LUC7L: variants seen among roughly 807,000 people sequenced by gnomAD.
The protein encoded by LUC7L is LUC7 like.
A neutral mutation model predicts 51.1 loss-of-function variants in LUC7L; 29 were observed. The observed-to-expected ratio is 0.57, with a 90% CI of 0.42 to 0.77. The LOEUF (loss-of-function observed/expected upper bound fraction) is 0.77, where lower values mean the gene tolerates loss of function less well. LUC7L is among the 30% of genes least tolerant of loss of function. The pLI is 0.00. For synonymous variants in LUC7L, 181 were observed against 180.7 expected (o/e 1.00, Z -0.01); for missense variants, 403 against 511.9 (o/e 0.79, Z 2.05).
At chr16:221,305 A>G (rs1339373339) in intron 2 of LUC7L, among the ~76,000 whole-genome samples, 1 of 146,432 alleles carries the variant, frequency 6.8e-6, no homozygotes, top group Non-Finnish European at 1.5e-5. Context: ...TTGGCCTCCC[A>G]AAGAGCTGGC....
chr16:206,335 T>C (rs2049483394), intron 4 of LUC7L, among the ~76,000 whole-genome samples, 188 bp from the exon 5 acceptor site: 1 of 152,226 alleles, frequency 6.6e-6, no homozygotes, highest in Admixed American at 6.5e-5. Flanking sequence ...TATGTTCCAA[T>C]GAAACCAGTG....
chr16:213,171 C>A (rs1204369313), intron 3 of LUC7L, among the ~76,000 whole-genome samples: 1 of 152,168 alleles, frequency 6.6e-6, no homozygotes, highest in Non-Finnish European at 1.5e-5. Flanking sequence ...ATATAGCACA[C>A]ATCCTTTCCT....
chr16:213,721 T>C (rs1567186179), intron 3 of LUC7L, among the ~76,000 whole-genome samples: 1 of 151,388 alleles, frequency 6.6e-6, no homozygotes, highest in Non-Finnish European at 1.5e-5. Flanking sequence ...TTTTTTCTTT[T>C]TTTCTTTATT....
At chr16:211,414 C>T (rs1034035891) in intron 3 of LUC7L, among the ~76,000 whole-genome samples, 2 of 149,244 alleles carry the variant, frequency 1.3e-5, no homozygotes, top group African/African-American at 4.9e-5. Flanking sequence ...GCCAAGATCA[C>T]GCCACTGCAC....
intron 6 of LUC7L, among the ~76,000 whole-genome samples, chr16:194,146 C>A (rs767283812): frequency 6.6e-6 from 1 of 151,430 alleles, no homozygotes; most frequent in Non-Finnish European, 1.5e-5. Context: ...TCCACCCAGG[C>A]TGGATGGAGT....
At chr16:213,047 G>GT (rs1327079645) in intron 3 of LUC7L, among the ~76,000 whole-genome samples, 42 of 152,116 alleles carry the variant, frequency 2.8e-4, no homozygotes, top group Non-Finnish European at 1.9e-4. Flanking sequence ...GATTACAGGC[G>GT]TGAGCGCACA....
At chr16:228,980 A>T (rs1481223444) in intron 1 of LUC7L, 1 of 1,431,878 alleles carries the variant, frequency 7.0e-7, no homozygotes. Context: ...CAGTTCGCGG[A>T]GGGGCACGGA....
chr16:190,205 C>G, intron 8 of LUC7L, 70 bp from the exon 9 acceptor site: 1 of 1,330,224 alleles, frequency 7.5e-7, no homozygotes, highest in Non-Finnish European at 1.0e-6. Context: ...CACCCCTCAG[C>G]AGATTCTGCT....
At chr16:228,939 C>T in intron 1 of LUC7L, 2 of 1,393,376 alleles carry the variant, frequency 1.4e-6, no homozygotes, top group African/African-American at 1.4e-5. Context: ...GACCTGGAGC[C>T]CACGCTGATT....
At chr16:192,723 G>A (rs1005996402) in intron 7 of LUC7L, among the ~76,000 whole-genome samples, 1 of 152,034 alleles carries the variant, frequency 6.6e-6, no homozygotes, top group African/African-American at 2.4e-5. Context: ...GGCTGGTCTC[G>A]AACCCCTGAC....
Position 189,177 on chromosome 16 carries a change from T to A in LUC7L, c.*21A>T. On this transcript the variant is annotated 3_prime_UTR_variant, in exon 10 of 10. Transcript: ENST00000293872. The stretch of plus-strand genomic sequence containing the variant: ...CTGTGTGAACGTTTATCAGACTATT[T>A]ACAGCACCCGGGAGACGGGTTCAGA... 6.2e-7 allele frequency: 1 copy of A among 1,605,056 alleles called. No homozygotes were observed. The highest frequency in any genetic ancestry group is 8.5e-7 in the Non-Finnish European group (1 of 1,174,094).
chr16:228,870 C>T (rs1014679869), intron 1 of LUC7L: 5 of 1,308,514 alleles, frequency 3.8e-6, no homozygotes, highest in African/African-American at 3.0e-5. Flanking sequence ...CATCCGGCTC[C>T]CTCGGGTGTA....
chr16:202,412 G>A (rs1474139755), intron 5 of LUC7L, among the ~76,000 whole-genome samples: 1 of 152,134 alleles, frequency 6.6e-6, no homozygotes, highest in Admixed American at 6.5e-5. Flanking sequence ...TTCAACATGA[G>A]ATTTGGACGT....
intron 6 of LUC7L, among the ~76,000 whole-genome samples, chr16:193,631 G>C (rs546726941): frequency 1.5e-4 from 23 of 151,442 alleles, no homozygotes; most frequent in Admixed American, 2.0e-4. Flanking sequence ...TGAGTAGCTG[G>C]GATTACAAGC....
At position 189,106 on chromosome 16, in the gene LUC7L, T is replaced by C. The variant is rs1353607096; in HGVS notation, c.*92A>G. On this transcript the variant is annotated 3_prime_UTR_variant, in exon 10 of 10. Transcript: ENST00000293872. The stretch of plus-strand genomic sequence containing the variant: ...CTCCAAAACAATAGAAATTTTAAAC[T>C]ACAAAAGATGAGTTGTATTCAGCAA... The C allele has an allele frequency of 7.3e-7, 1 of 1,367,326 alleles. No homozygotes were observed. The highest frequency in any genetic ancestry group is 1.0e-6 in the Non-Finnish European group (1 of 997,352). The allele number at this position is 1,367,326 out of a possible 1,614,324, so 84.7% of individuals were successfully genotyped here. A position where few individuals can be genotyped will look rare whatever the true frequency, so the allele number is the denominator to read the frequency against.
At chr16:191,891 T>C (rs1042521958) in intron 7 of LUC7L, among the ~76,000 whole-genome samples, 6 of 152,108 alleles carry the variant, frequency 3.9e-5, no homozygotes, top group Admixed American at 2.0e-4. Flanking sequence ...ACTGAGGAAT[T>C]ATTTCAGGAA....
intron 4 of LUC7L, 101 bp downstream of exon 4, chr16:207,977 C>G: frequency 1.3e-6 from 1 of 757,778 alleles, no homozygotes; most frequent in Non-Finnish European, 2.1e-6. Context: ...CCACTGCACT[C>G]CAGCCTGGGT....
At chr16:228,927 G>A in intron 1 of LUC7L, 1 of 1,376,440 alleles carries the variant, frequency 7.3e-7, no homozygotes, top group Non-Finnish European at 9.6e-7. Context: ...CCGGCTGCCA[G>A]CGACCTGGAG....
Position 193,006 on chromosome 16 carries a change from C to T in LUC7L, c.697G>A (p.Ala233Thr), listed in dbSNP as rs765810655. ...TGATTTCTCTTCTCCTGCTTTTCAGCGACAGTTTTCTAAATAAATGAAACA... is the reference window on the plus strand; with the variant it reads ...TGATTTCTCTTCTCCTGCTTTTCAGTGACAGTTTTCTAAATAAATGAAACA... ...EKLDQLRKTV[A>T]EKQEKRNQDR... is the part of the protein sequence containing the mutation. Residue 233 changes from alanine (A) to threonine (T), a missense_variant, in exon 7 of 10, where the codon GCT (alanine) becomes ACT (threonine). By Grantham distance (58) the Ala-to-Thr change is moderately conservative. Around this residue, in one of 3 missense-constraint regions of LUC7L, gnomAD observed 206 missense variants for 218.3 expected, o/e 0.94. Coordinates refer to ENST00000293872, the MANE Select transcript of LUC7L (RefSeq NM_201412.3). 1.7e-5 allele frequency: 27 copies of T among 1,612,660 alleles called. No homozygotes were observed. The highest frequency in any genetic ancestry group is 1.7e-4 in the Middle Eastern group (1 of 6,032).
Sources: allele counts gnomAD v4.1 joint callset (sites outside exome capture counted in the v4.1 genomes callset), GRCh38; gene constraint gnomAD v4.1.1; regional missense constraint gnomAD v4.1.1; transcripts MANE v1.5; gene names NCBI Gene and HGNC (gene_info 2026-07-23, HGNC 2026-07-21).